HS3ST1: variants seen among roughly 807,000 people sequenced by gnomAD.
HS3ST1 encodes the protein heparan sulfate glucosamine 3-O-sulfotransferase 1.
Under a neutral mutation model 20.7 loss-of-function variants are expected in HS3ST1, and 8 were observed. That is an observed-to-expected ratio of 0.39 (90% CI 0.23 to 0.70). The LOEUF is 0.70. HS3ST1 is among the 30% of genes least tolerant of loss of function. The pLI, the probability that HS3ST1 is intolerant of heterozygous loss-of-function variation, is 0.46. For synonymous variants in HS3ST1, 205 were observed against 190.4 expected (o/e 1.08, Z -0.63); for missense variants, 436 against 423.4 (o/e 1.03, Z -0.26).
chr4:11,428,334 C>T (rs1261091722), intron 1 of HS3ST1: 2 of 152,318 alleles, frequency 1.3e-5, no homozygotes, highest in Non-Finnish European at 2.9e-5. Context: ...GCTGCGCTCT[C>T]GCTGCCCTAC....
intron 1 of HS3ST1, among the ~76,000 whole-genome samples, chr4:11,401,557 T>G (rs1422171388): frequency 6.6e-6 from 1 of 152,170 alleles, no homozygotes; most frequent in African/African-American, 2.4e-5. Flanking sequence ...TTGGTCAGGC[T>G]GGTCTCGAAA....
At chr4:11,406,861 T>A (rs1718479569) in intron 1 of HS3ST1, among the ~76,000 whole-genome samples, 1 of 152,194 alleles carries the variant, frequency 6.6e-6, no homozygotes, top group Non-Finnish European at 1.5e-5. Context: ...ACTGTCTTTT[T>A]TTTTTTTAAT....
Position 11,399,693 on chromosome 4 carries a change from T to C in HS3ST1, c.313A>G (p.Ser105Gly), listed in dbSNP as rs1381033236. ...HYSHGLGWYL[S>G]QMPFSWPHQL... ...TGTGGCCAGGAGAAGGGCATCTGGC[T>C]GAGGTACCAGCCCAAGCCGTGGCTG... The change falls in exon 2 of 2, where the codon AGC becomes GGC. Residue 105 changes from serine (S) to glycine (G), a missense_variant. Ser to Gly is a moderately conservative substitution (Grantham distance 56). Coordinates refer to ENST00000002596, the MANE Select transcript of HS3ST1 (RefSeq NM_005114.4). This position sits in a 1 kb window ranked among gnomAD's most constrained non-coding sequence, Gnocchi z 5.1. The C allele has an allele frequency of 1.9e-6, 3 of 1,613,754 alleles. No homozygotes were observed. Among genetic ancestry groups the C allele is most frequent in the Non-Finnish European group, 2.5e-6 (3 of 1,179,952 alleles).
intron 1 of HS3ST1, among the ~76,000 whole-genome samples, chr4:11,413,840 G>A (rs887590516): frequency 6.6e-6 from 1 of 152,102 alleles, no homozygotes; most frequent in Non-Finnish European, 1.5e-5. Context: ...GAGATAAGAA[G>A]AAGGATAGCA....
chr4:11,432,174 GA>G (rs149662205), upstream of HS3ST1, among the ~76,000 whole-genome samples: 94 of 152,218 alleles, frequency 6.2e-4, no homozygotes, highest in East Asian at 0.016. Flanking sequence ...GGGAGAGAGA[GA>G]AAAAGAGAGA....
intron 1 of HS3ST1, among the ~76,000 whole-genome samples, chr4:11,412,437 G>A (rs1303803250): frequency 6.6e-6 from 1 of 152,190 alleles, no homozygotes; most frequent in Non-Finnish European, 1.5e-5. Flanking sequence ...TTTTCCAAGA[G>A]CCACGGAATC....
chr4:11,413,433 T>G (rs1718688395), intron 1 of HS3ST1, among the ~76,000 whole-genome samples: 1 of 152,138 alleles, frequency 6.6e-6, no homozygotes, highest in Non-Finnish European at 1.5e-5. Context: ...GGGTCTAGTT[T>G]CCTGGTTTGT....
At chr4:11,412,597 A>G (rs969175341) in intron 1 of HS3ST1, among the ~76,000 whole-genome samples, 1 of 152,178 alleles carries the variant, frequency 6.6e-6, no homozygotes, top group African/African-American at 2.4e-5. Flanking sequence ...GGGGAAGAAT[A>G]CAGCCTTTAG....
At chr4:11,426,456 G>T (rs993427592) in intron 1 of HS3ST1, among the ~76,000 whole-genome samples, 2 of 151,962 alleles carry the variant, frequency 1.3e-5, no homozygotes, top group Admixed American at 1.3e-4. Context: ...GGGACCCAGG[G>T]GGGGGGCTTG....
At chr4:11,425,661 G>A (rs536093571) in intron 1 of HS3ST1, among the ~76,000 whole-genome samples, 13 of 152,232 alleles carry the variant, frequency 8.5e-5, no homozygotes, top group African/African-American at 3.1e-4. Context: ...ATAGATCTAC[G>A]ATAAAACTTA....
Position 11,399,312 on chromosome 4 carries a change from C to A in HS3ST1, c.694G>T (p.Glu232Ter). Residue 232 changes from glutamate (E) to a stop codon, truncating the protein, a stop_gained, in exon 2 of 2, where the codon GAG becomes TAG. Coordinates refer to ENST00000002596, the MANE Select transcript of HS3ST1 (RefSeq NM_005114.4). LOFTEE classifies it high-confidence loss of function. The surrounding 1 kb of genome is among the most constrained non-coding windows in gnomAD (Gnocchi z 5.1). ...TGCGGCGACAGCTTTAGGAACCTCT[C>A]GACCTTTTGGATCTCAGGGAAGGGG... ...RDPFPEIQKV[E>*]RFLKLSPQIN... The A allele has an allele frequency of 6.2e-7, 1 of 1,614,134 alleles. No homozygotes were observed. The highest frequency in any genetic ancestry group is 8.5e-7 in the Non-Finnish European group (1 of 1,180,022).
intron 1 of HS3ST1, among the ~76,000 whole-genome samples, chr4:11,406,589 A>G (rs1475234155): frequency 1.3e-5 from 2 of 152,216 alleles, no homozygotes; most frequent in Non-Finnish European, 2.9e-5. Flanking sequence ...GAACCAGGAA[A>G]TATCAAAACT....
At chr4:11,422,547 G>A (rs1033068292) in intron 1 of HS3ST1, among the ~76,000 whole-genome samples, 3 of 152,156 alleles carry the variant, frequency 2.0e-5, no homozygotes, top group East Asian at 1.9e-4. Flanking sequence ...GAGACAGGCA[G>A]AGACTCGGTT....
At chr4:11,420,526 C>T (rs1231247816) in intron 1 of HS3ST1, among the ~76,000 whole-genome samples, 1 of 152,210 alleles carries the variant, frequency 6.6e-6, no homozygotes, top group African/African-American at 2.4e-5. Context: ...TTTCTAATTC[C>T]AGCCCTACAG....
chr4:11,399,072 T>A lies in HS3ST1; in HGVS notation c.*10A>T. ...CAGTAGGAAAGTTTCTGAGCTTAGC[T>A]TATTGCAAATCAGTGCCAGTCAAAT... On this transcript the variant is annotated 3_prime_UTR_variant, in exon 2 of 2. Coordinates refer to ENST00000002596, the MANE Select transcript of HS3ST1 (RefSeq NM_005114.4). This position sits in a 1 kb window ranked among gnomAD's most constrained non-coding sequence, Gnocchi z 5.1. 1.2e-6 allele frequency: 2 copies of A among 1,602,996 alleles called. No individual in the cohort carries two copies. Among genetic ancestry groups the A allele is most frequent in the Non-Finnish European group, 1.7e-6 (2 of 1,172,024 alleles).
Position 11,397,891 on chromosome 4 carries a change from G to A in HS3ST1, c.*1191C>T, listed in dbSNP as rs764156994. 6.6e-6 allele frequency: 1 copy of A among 152,158 alleles called. No homozygotes were observed. Among genetic ancestry groups the A allele is most frequent in the Non-Finnish European group, 1.5e-5 (1 of 68,044 alleles). The allele number at this position is 152,158 out of a possible 1,614,324, so 9.4% of individuals were successfully genotyped here. ...GGTTTAATTCTGTAAAAGGCTGACT[G>A]CATGAAGAATGCATGAAAAAACTGA... On this transcript the variant is annotated 3_prime_UTR_variant, in exon 2 of 2. Transcript: ENST00000002596.
chr4:11,424,774 G>T (rs1719020301), intron 1 of HS3ST1, among the ~76,000 whole-genome samples: 2 of 151,480 alleles, frequency 1.3e-5, no homozygotes, highest in Non-Finnish European at 2.9e-5. Context: ...AGTCTTTCAA[G>T]ATTCCAGGCC....
intron 1 of HS3ST1, among the ~76,000 whole-genome samples, chr4:11,409,004 T>A (rs936087793): frequency 2.6e-5 from 4 of 152,202 alleles, no homozygotes; most frequent in Admixed American, 1.3e-4. Context: ...ACACAAGGCA[T>A]CAGAGGCAAA....
At chr4:11,411,391 T>C (rs1344603834) in intron 1 of HS3ST1, among the ~76,000 whole-genome samples, 1 of 152,226 alleles carries the variant, frequency 6.6e-6, no homozygotes, top group African/African-American at 2.4e-5. Context: ...TTTCCATCTG[T>C]CCCTTACTTG....
Sources: allele counts gnomAD v4.1 joint callset (sites outside exome capture counted in the v4.1 genomes callset), GRCh38; gene constraint gnomAD v4.1.1; non-coding constraint Gnocchi (gnomAD v3.1); transcripts MANE v1.5; gene names NCBI Gene and HGNC (gene_info 2026-07-23, HGNC 2026-07-21).